RFX1: variants seen among roughly 807,000 people sequenced by gnomAD.
RFX1 encodes the protein MHC class II regulatory factor RFX1.
A neutral mutation model predicts 119.6 loss-of-function variants in RFX1; 42 were observed. The observed-to-expected ratio is 0.35, with a 90% CI of 0.27 to 0.45. RFX1 has a LOEUF of 0.45. Among genes scored for constraint, RFX1 ranks in the 20% least tolerant of loss-of-function variants. The probability of loss-of-function intolerance (pLI) is 1.00; values close to 1 mark genes in which losing one functional copy is unlikely to be tolerated. For missense variants in RFX1, 1,118 were observed against 1,368.1 expected (o/e 0.82, Z 2.88); for synonymous variants, 628 against 618.5 (o/e 1.02, Z -0.23).
In RFX1 at chr19:13,980,263, G is replaced by C. The variant is rs1458622549; in HGVS notation, c.738+310C>G. ...CCAGAAGGAGCCAGGATGTGGCCTC[G>C]GGGCTTCCTTCAGGCAAATGGGCCC... On this transcript the variant is annotated intron_variant, in intron 6 of 20. Transcript: ENST00000254325. The surrounding 1 kb of genome is among the most constrained non-coding windows in gnomAD (Gnocchi z 5.1). Among the ~76,000 whole-genome samples, 1 of 152,106 alleles carries C rather than the reference G, an allele frequency of 6.6e-6. No homozygotes were observed. Among genetic ancestry groups the C allele is most frequent in the Admixed American group, 6.5e-5 (1 of 15,274 alleles).
At chr19:13,982,513 A>G (rs1974461276) in intron 4 of RFX1, among the ~76,000 whole-genome samples, 1 of 152,158 alleles carries the variant, frequency 6.6e-6, no homozygotes, top group Non-Finnish European at 1.5e-5. Context: ...TTAAAACCCA[A>G]TAGTCCTAGG....
chr19:13,996,718 C>CTTT (rs767281958), intron 1 of RFX1, among the ~76,000 whole-genome samples: 70 of 114,420 alleles, frequency 6.1e-4, no homozygotes, highest in African/African-American at 7.8e-4. Context: ...GGCTCATTTG[C>CTTT]TTTTTTTTTT....
chr19:13,993,064 C>T (rs538960430), intron 2 of RFX1, among the ~76,000 whole-genome samples: 12 of 152,108 alleles, frequency 7.9e-5, no homozygotes, highest in Non-Finnish European at 1.3e-4. Flanking sequence ...CATTTGAGGC[C>T]GGGAGGATCA....
At chr19:13,978,219 C>A in intron 7 of RFX1, 133 bp from the exon 8 acceptor site, 1 of 608,100 alleles carries the variant, frequency 1.6e-6, no homozygotes, top group Non-Finnish European at 2.9e-6. Flanking sequence ...TCTGGACTCT[C>A]AACAAAACAC....
rs1973769480 is a variant in RFX1 at position 13,963,182 on chromosome 19, G to A, written c.2664C>T (p.Tyr888=). The A allele has an allele frequency of 6.2e-7, 1 of 1,612,618 alleles. No individual in the cohort carries two copies. Among genetic ancestry groups the A allele is most frequent in the Non-Finnish European group, 8.5e-7 (1 of 1,179,462 alleles). The change falls in exon 19 of 21, where the codon TAC becomes TAT. Residue 888 remains tyrosine, a synonymous_variant. Transcript: ENST00000254325. ...CCTGGGCTACGCGGTGCTCGATCAG[G>A]TAGTACATGTACTCGTCGTAGAGCA... is the stretch of plus-strand genomic sequence containing the variant. ...IRLLYDEYMY[Y]LIEHRVAQAK...
chr19:13,991,722 C>A (rs927825504), intron 2 of RFX1, among the ~76,000 whole-genome samples: 1 of 151,730 alleles, frequency 6.6e-6, no homozygotes, highest in Non-Finnish European at 1.5e-5. Context: ...AGCGCAGTGG[C>A]ACGATCTCAG....
intron 5 of RFX1, among the ~76,000 whole-genome samples, chr19:13,981,561 A>T (rs1214292464): frequency 6.6e-6 from 1 of 152,012 alleles, no homozygotes; most frequent in Non-Finnish European, 1.5e-5. Context: ...GCACCACTTC[A>T]CTCCAGCCTG....
Position 13,963,025 on chromosome 19 carries a change from G to A in RFX1, c.2739C>T (p.Ala913=), listed in dbSNP as rs1344294346. ...IAVMGEFANL[A]TSLNPLDPDK... ...CGGGGTCCAGGGGGTTCAGGGAGGT[G>A]GCCAGATTGGCGAACTGGAGGAAGA... is the stretch of plus-strand genomic sequence containing the variant. The change falls in exon 20 of 21, where the codon GCC becomes GCT. Residue 913 remains alanine (A), a synonymous_variant. Transcript: ENST00000254325. 2 of 1,557,248 alleles carry A rather than the reference G, an allele frequency of 1.3e-6. No homozygotes were observed. Among genetic ancestry groups the A allele is most frequent in the Non-Finnish European group, 8.7e-7 (1 of 1,150,126 alleles).
chr19:13,979,675 C>T, intron 6 of RFX1, 133 bp from the exon 7 acceptor site: 1 of 505,170 alleles, frequency 2.0e-6, no homozygotes, highest in Non-Finnish European at 3.4e-6. Context: ...TCCAGCCAAG[C>T]AAGGAGGGTG....
chr19:13,964,066 G>GC (rs1259672016), intron 16 of RFX1, 59 bp from the exon 17 acceptor site: 2 of 1,482,038 alleles, frequency 1.3e-6, no homozygotes, highest in African/African-American at 2.8e-5. Flanking sequence ...GCCAGCCCTG[G>GC]CCCCACCCCG....
chr19:13,984,442 C>T (rs919075560), intron 2 of RFX1, among the ~76,000 whole-genome samples: 1 of 152,096 alleles, frequency 6.6e-6, no homozygotes, highest in Non-Finnish European at 1.5e-5. Context: ...GGCAGCGCTG[C>T]GGGGTGAGGA....
At chr19:13,975,272 G>A (rs554360791) in intron 8 of RFX1, among the ~76,000 whole-genome samples, 5 of 151,698 alleles carry the variant, frequency 3.3e-5, no homozygotes, top group Non-Finnish European at 5.9e-5. Context: ...CAGGAGAATC[G>A]CAGGAGAACC....
chr19:13,983,042 C>T lies in RFX1; in HGVS notation c.513+145G>A, dbSNP rs1379228429. 7.9e-6 allele frequency: 5 copies of T among 630,476 alleles called. No homozygotes were observed. The Admixed American group carries it at 8.4e-5, about 11-fold the overall frequency. 39.1% of individuals were successfully genotyped at this position (630,476 alleles called of 1,614,324 possible). On this transcript the variant is annotated intron_variant, in intron 4 of 20. Coordinates refer to ENST00000254325, the MANE Select transcript of RFX1 (RefSeq NM_002918.5). ...GGATAGTCTCACCCTGGGGAGGTGA[C>T]TGCCCAGAGCCAGGAGGTAGGGCAG...
chr19:13,977,801 G>C (rs1281376281), intron 8 of RFX1, among the ~76,000 whole-genome samples, 191 bp downstream of exon 8: 1 of 151,284 alleles, frequency 6.6e-6, no homozygotes, highest in East Asian at 2.0e-4. Flanking sequence ...CAACCTTCAA[G>C]GGTCCCTCTG....
At position 13,963,245 on chromosome 19, in the gene RFX1, G is replaced by T. The variant is rs761095917; in HGVS notation, c.2601C>A (p.Arg867=). ...GGAAGGAACCGAAGCTGGCGGCGCT[G>T]CGCAGGGTCAGGTCCCGGATCACCA... ...SSMVIRDLTL[R]SAASFGSFHL... Residue 867 remains arginine, a synonymous_variant, in exon 19 of 21, where the codon CGC becomes CGA. Coordinates refer to ENST00000254325, the MANE Select transcript of RFX1 (RefSeq NM_002918.5). The T allele has an allele frequency of 1.9e-6, 3 of 1,611,938 alleles. No individual in the cohort carries two copies. Among genetic ancestry groups the T allele is most frequent in the Admixed American group, 3.3e-5 (2 of 59,978 alleles).
At chr19:13,988,773 C>T (rs180759690) in intron 2 of RFX1, among the ~76,000 whole-genome samples, 184 of 152,290 alleles carry the variant, frequency 1.2e-3, no homozygotes, top group African/African-American at 4.2e-3. Context: ...ATAATCCCAG[C>T]ACTTTGGGAG....
In RFX1 at chr19:13,990,792, G is replaced by A. The variant is rs2145614353; in HGVS notation, c.319+2733C>T. Among the ~76,000 whole-genome samples the A allele has an allele frequency of 6.6e-6, 1 of 152,076 alleles. No individual in the cohort carries two copies. Among genetic ancestry groups the A allele is most frequent in the East Asian group, 1.9e-4 (1 of 5,158 alleles). ...AGATCCTGCCACTGCACTCCAGCCT[G>A]GGTGTCAGAGCGAGACTTTGTCTCA... On this transcript the variant is annotated intron_variant, in intron 2 of 20. Transcript: ENST00000254325. This position sits in a 1 kb window ranked among gnomAD's most constrained non-coding sequence, Gnocchi z 4.1.
chr19:13,982,481 C>T (rs1158888299), intron 4 of RFX1, among the ~76,000 whole-genome samples: 1 of 152,138 alleles, frequency 6.6e-6, no homozygotes, highest in East Asian at 1.9e-4. Context: ...GTTGTCAGGC[C>T]ATGTGGAATG....
At chr19:14,006,723 C>A (rs561172146), upstream of RFX1, 4 of 152,358 alleles carry the variant, frequency 2.6e-5, no homozygotes, top group East Asian at 7.7e-4. Flanking sequence ...TTGTAGTCCG[C>A]TCTTGCGTAC....
Sources: allele counts gnomAD v4.1 joint callset (sites outside exome capture counted in the v4.1 genomes callset), GRCh38; gene constraint gnomAD v4.1.1; non-coding constraint Gnocchi (gnomAD v3.1); transcripts MANE v1.5; gene names NCBI Gene and HGNC (gene_info 2026-07-23, HGNC 2026-07-21).